FRMD4B: variants seen among roughly 807,000 people sequenced by gnomAD.
The protein encoded by FRMD4B is FERM domain-containing protein 4B.
In FRMD4B, 74 loss-of-function variants were observed where a neutral mutation model predicts 141.5. That is an observed-to-expected ratio of 0.52 (90% confidence interval 0.43 to 0.63). The LOEUF (loss-of-function observed/expected upper bound fraction) is 0.63, where lower values mean the gene tolerates loss of function less well. FRMD4B is among the 30% of genes least tolerant of loss of function. The pLI, the probability that FRMD4B is intolerant of heterozygous loss-of-function variation, is 0.00. For synonymous variants in FRMD4B, 506 were observed against 467.9 expected, an observed-to-expected ratio of 1.08 and a Z score of -1.05; for missense variants, 1,366 against 1,253.4, an observed-to-expected ratio of 1.09 and a Z score of -1.36.
At chr3:69,251,762 C>T (rs1387533073) in intron 5 of FRMD4B, among the ~76,000 whole-genome samples, 1 of 152,230 alleles carries the variant, frequency 6.6e-6, no homozygotes, top group East Asian at 1.9e-4. Context: ...CTGCCCTCTG[C>T]CTTTCAGGCA....
chr3:69,192,073 C>A (rs777640920), intron 17 of FRMD4B, among the ~76,000 whole-genome samples: 16 of 152,104 alleles, frequency 1.1e-4, no homozygotes, highest in Non-Finnish European at 2.4e-4. Flanking sequence ...GACTGTAAAG[C>A]ACCATCTAGT....
At position 69,520,025 on chromosome 3, in the gene FRMD4B, T is replaced by G. The variant is rs1395397334; in HGVS notation, c.-129+22181A>C. ...ATATATATATATATATATATATATA[T>G]TCCATCATATATATATATTCCATCC... is the stretch of plus-strand genomic sequence containing the variant. On this transcript the variant is annotated intron_variant, in intron 1 of 5. Coordinates refer to the FRMD4B transcript ENST00000459638. Among the ~76,000 whole-genome samples the G allele has an allele frequency of 8.4e-4, 95 of 113,686 alleles. 1 individual carries two copies. The highest frequency in any genetic ancestry group is 4.3e-3 in the Middle Eastern group (1 of 230). The allele number at this position is 113,686 out of a possible 152,430, so 74.6% of individuals were successfully genotyped here.
At chr3:69,314,473 A>C (rs937425239) in intron 1 of FRMD4B, among the ~76,000 whole-genome samples, 3 of 151,356 alleles carry the variant, frequency 2.0e-5, no homozygotes, top group African/African-American at 7.3e-5. Context: ...GTTTGCAGTG[A>C]GTTGAGATCA....
At chr3:69,475,930 T>A (rs9681360) in intron 1 of FRMD4B, among the ~76,000 whole-genome samples, 5,585 of 151,824 alleles carry the variant, frequency 0.037, 170 homozygotes, top group African/African-American at 0.079. Context: ...TCATTGTGGT[T>A]TTGATTTGCA....
At chr3:69,531,870 T>C (rs753588529) in intron 1 of FRMD4B, among the ~76,000 whole-genome samples, 1 of 152,236 alleles carries the variant, frequency 6.6e-6, no homozygotes, top group Non-Finnish European at 1.5e-5. Context: ...TTAATATGTT[T>C]GAATCAAACT....
intron 7 of FRMD4B, among the ~76,000 whole-genome samples, chr3:69,234,829 A>C (rs2093333801): frequency 1.3e-5 from 2 of 152,192 alleles, no homozygotes; most frequent in Admixed American, 1.3e-4. Context: ...CTTAAGAACC[A>C]CTGCAATAGG....
chr3:69,445,334 G>C (rs1267100187), intron 1 of FRMD4B, among the ~76,000 whole-genome samples: 2 of 152,096 alleles, frequency 1.3e-5, no homozygotes, highest in Non-Finnish European at 2.9e-5. Flanking sequence ...TCCAGTCTTC[G>C]GAGCAATTCG....
intron 2 of FRMD4B, among the ~76,000 whole-genome samples, chr3:69,428,188 A>G (rs1705117473): frequency 6.6e-6 from 1 of 151,598 alleles, no homozygotes; most frequent in Non-Finnish European, 1.5e-5. Context: ...AGTGGCTCAG[A>G]CTATTTTGTG....
intron 1 of FRMD4B, among the ~76,000 whole-genome samples, chr3:69,478,184 T>G (rs1323016213): frequency 5.3e-5 from 8 of 150,978 alleles, no homozygotes; most frequent in Admixed American, 4.0e-4. Context: ...TTTTGAAGGG[T>G]TTTTTGTGTC....
intron 1 of FRMD4B, among the ~76,000 whole-genome samples, chr3:69,528,940 G>T (rs1055762880): frequency 3.3e-5 from 5 of 152,130 alleles, no homozygotes; most frequent in African/African-American, 9.7e-5. Flanking sequence ...GTATCCATAG[G>T]CCAAACCCTG....
intron 1 of FRMD4B, among the ~76,000 whole-genome samples, chr3:69,481,303 C>T (rs948727562): frequency 2.6e-5 from 4 of 152,174 alleles, no homozygotes; most frequent in African/African-American, 7.2e-5. Context: ...TCTTCTGTGT[C>T]GCTCACGCTG....
intron 1 of FRMD4B, among the ~76,000 whole-genome samples, chr3:69,473,037 T>C (rs777405707): frequency 1.3e-5 from 2 of 149,458 alleles, no homozygotes; most frequent in Non-Finnish European, 3.0e-5. Context: ...CTAACTTCCA[T>C]ATAGGGGGGT....
intron 7 of FRMD4B, among the ~76,000 whole-genome samples, chr3:69,239,808 G>A (rs1401049352): frequency 1.3e-5 from 2 of 152,078 alleles, no homozygotes; most frequent in Non-Finnish European, 2.9e-5. Flanking sequence ...TGTAATCCCA[G>A]TACTTTGGGA....
At chr3:69,393,983 T>C (rs1243726441) in intron 2 of FRMD4B, among the ~76,000 whole-genome samples, 1 of 152,208 alleles carries the variant, frequency 6.6e-6, no homozygotes, top group Non-Finnish European at 1.5e-5. Context: ...GACAAAAGAA[T>C]GAATTTCTTT....
intron 1 of FRMD4B, among the ~76,000 whole-genome samples, chr3:69,468,943 C>T (rs1263281999): frequency 6.6e-6 from 1 of 152,102 alleles, no homozygotes; most frequent in Non-Finnish European, 1.5e-5. Context: ...CTGTATAGTC[C>T]GAGCTTCAAA....
At chr3:69,515,666 A>G (rs995328539) in intron 1 of FRMD4B, among the ~76,000 whole-genome samples, 9 of 152,176 alleles carry the variant, frequency 5.9e-5, no homozygotes, top group Non-Finnish European at 1.3e-4. Context: ...AAATATTAAA[A>G]ACATAATGAC....
intron 5 of FRMD4B, among the ~76,000 whole-genome samples, chr3:69,279,700 TCTCCTCTTCCC>T (rs2093635032): frequency 8.8e-5 from 2 of 22,822 alleles, no homozygotes; most frequent in Non-Finnish European, 1.0e-4. Context: ...CCCTCCTCCT[TCTCCTCTTCCC>T]CTCCTCCTCC....
At chr3:69,401,113 C>T (rs1704556885) in intron 2 of FRMD4B, among the ~76,000 whole-genome samples, 1 of 152,080 alleles carries the variant, frequency 6.6e-6, no homozygotes, top group African/African-American at 2.4e-5. Flanking sequence ...AAAATGCAAA[C>T]ATTATGTTTA....
At chr3:69,235,589 G>A (rs1429894577) in intron 7 of FRMD4B, among the ~76,000 whole-genome samples, 6 of 151,896 alleles carry the variant, frequency 4.0e-5, no homozygotes, top group Non-Finnish European at 4.4e-5. Flanking sequence ...AGCCTGGGAG[G>A]CGGAGGTTGC....
Sources: allele counts gnomAD v4.1 joint callset (sites outside exome capture counted in the v4.1 genomes callset), GRCh38; gene constraint gnomAD v4.1.1; transcripts MANE v1.5; gene names NCBI Gene and HGNC (gene_info 2026-07-23, HGNC 2026-07-21).